Variants in SNX31 observed in about 807,000 individuals in gnomAD.
SNX31 encodes sorting nexin 31.
Under a neutral mutation model 65.4 loss-of-function variants are expected in SNX31, and 58 were observed. That is an observed-to-expected ratio of 0.89 (90% CI 0.72 to 1.10). The LOEUF (loss-of-function observed/expected upper bound fraction) is 1.10, where lower values mean the gene tolerates loss of function less well. Ranked by LOEUF, SNX31 falls within the 50% of genes least tolerant of loss-of-function variation. The pLI is 0.00. For synonymous variants in SNX31, 181 were observed against 190.1 expected, an observed-to-expected ratio of 0.95 and a Z score of 0.39; for missense variants, 523 against 529.7, an observed-to-expected ratio of 0.99 and a Z score of 0.12.
chr8:100,606,025 A>G (rs932430911), intron 8 of SNX31, among the ~76,000 whole-genome samples: 4 of 152,046 alleles, frequency 2.6e-5, no homozygotes, highest in South Asian at 2.1e-4. Context: ...ACTCATATCA[A>G]GTACACTGAA....
At chr8:100,611,307 A>C (rs1816688940) in intron 7 of SNX31, among the ~76,000 whole-genome samples, 1 of 152,172 alleles carries the variant, frequency 6.6e-6, no homozygotes, top group African/African-American at 2.4e-5. Flanking sequence ...ATTGCAAAGC[A>C]AACCCAAGGC....
intron 5 of SNX31, among the ~76,000 whole-genome samples, chr8:100,617,168 G>C (rs1817282521): frequency 6.6e-6 from 1 of 152,172 alleles, no homozygotes; most frequent in African/African-American, 2.4e-5. Context: ...CCCTGATGGA[G>C]CACTGGTTTC....
intron 11 of SNX31, among the ~76,000 whole-genome samples, chr8:100,587,531 A>T (rs1563517735): frequency 2.0e-5 from 3 of 152,298 alleles, no homozygotes; most frequent in South Asian, 4.1e-4. Context: ...ATGGTACGTC[A>T]TGTTTTCTAC....
intron 4 of SNX31, among the ~76,000 whole-genome samples, chr8:100,620,694 C>T (rs78429526): frequency 1.3e-5 from 2 of 152,296 alleles, no homozygotes; most frequent in East Asian, 3.9e-4. Flanking sequence ...GATCATTGGG[C>T]TCATTGTTTC....
rs1393351521 is a variant in SNX31 at position 100,614,130 on chromosome 8, G to C, written c.433-1045C>G. Among the ~76,000 whole-genome samples the C allele has an allele frequency of 6.6e-6, 1 of 152,162 alleles. No homozygotes were observed. The highest frequency in any genetic ancestry group is 1.5e-5 in the Non-Finnish European group (1 of 68,030). On this transcript the variant is annotated intron_variant, in intron 5 of 13. Transcript: ENST00000311812. This position sits in a 1 kb window ranked among gnomAD's most constrained non-coding sequence, Gnocchi z 5.1. ...AGCTTTGAAAATAAAGAGCAGCTGA[G>C]GAATAGTTTCACCACTTTCAAAGCA...
chr8:100,641,717 ATTT>A (rs34610614), intron 2 of SNX31, among the ~76,000 whole-genome samples: 48,443 of 117,584 alleles, frequency 0.41, 9,919 homozygotes, highest in East Asian at 0.51. Context: ...ACCTAGTATA[ATTT>A]TTTTTTTTTT....
chr8:100,617,838 C>T, intron 4 of SNX31, 108 bp from the exon 5 acceptor site: 1 of 849,502 alleles, frequency 1.2e-6, no homozygotes, highest in Non-Finnish European at 1.8e-6. Flanking sequence ...GATCTTGGCT[C>T]ACTGCAACCT....
intron 10 of SNX31, among the ~76,000 whole-genome samples, chr8:100,589,372 C>T (rs549018771): frequency 5.3e-4 from 80 of 151,630 alleles, no homozygotes; most frequent in Non-Finnish European, 8.8e-4. Context: ...TCCCTATTTC[C>T]AAGAAGGTAT....
rs1809760660 is a variant in SNX31 at position 100,660,212 on chromosome 8, T to C, written c.-58+2930A>G. On this transcript the variant is annotated intron_variant, in intron 1 of 5. Transcript: ENST00000520352. The surrounding 1 kb of genome is among the most constrained non-coding windows in gnomAD (Gnocchi z 4.1). ...TTACGTAAACTACTTTGTTCAATCT[T>C]CACACCTACCCACAGATTAGCTAAT... Among the ~76,000 whole-genome samples, 1 of 152,216 alleles carries C rather than the reference T, an allele frequency of 6.6e-6. No homozygotes were observed. Among genetic ancestry groups the C allele is most frequent in the South Asian group, 2.1e-4 (1 of 4,830 alleles).
chr8:100,649,506 C>A lies in SNX31; in HGVS notation c.9G>T (p.Met3Ile). ...GCTGGGACACCGGGATACAGAAATG[C>A]ATCTTCATGGCTGAGCGGTGTCTTG... Reference protein sequence around the residue: MKMHFCIPVSQQR... With the variant: MKIHFCIPVSQQR... The change falls in exon 1 of 14, where the codon ATG (methionine) becomes ATT (isoleucine). Residue 3 changes from methionine to isoleucine, a missense_variant. Coordinates refer to ENST00000311812, the MANE Select transcript of SNX31 (RefSeq NM_152628.4). The A allele has an allele frequency of 6.4e-7, 1 of 1,571,870 alleles. No individual in the cohort carries two copies. The highest frequency in any genetic ancestry group is 8.6e-7 in the Non-Finnish European group (1 of 1,159,170).
At chr8:100,615,955 C>T (rs930395846) in intron 5 of SNX31, among the ~76,000 whole-genome samples, 1 of 151,770 alleles carries the variant, frequency 6.6e-6, no homozygotes, top group Admixed American at 6.6e-5. Flanking sequence ...TTGTATTTTT[C>T]AGTAGAGATG....
At chr8:100,591,132 G>A (rs1025582016) in intron 10 of SNX31, among the ~76,000 whole-genome samples, 2 of 152,172 alleles carry the variant, frequency 1.3e-5, no homozygotes, top group Admixed American at 1.3e-4. Flanking sequence ...ATCTACGCGT[G>A]TATAGAGTAA....
chr8:100,603,862 C>T (rs1043348893), intron 8 of SNX31, among the ~76,000 whole-genome samples: 15 of 152,102 alleles, frequency 9.9e-5, no homozygotes, highest in Admixed American at 6.6e-4. Flanking sequence ...CCCAGCCTCC[C>T]GAGTAGCTGG....
chr8:100,606,339 C>A (rs1312613510), intron 8 of SNX31, among the ~76,000 whole-genome samples: 2 of 152,142 alleles, frequency 1.3e-5, no homozygotes, highest in African/African-American at 4.8e-5. Flanking sequence ...CCAGGCTGAA[C>A]ATAATTATAC....
Position 100,594,892 on chromosome 8 carries a change from C to T in SNX31, c.978+1747G>A, listed in dbSNP as rs1257673169. On this transcript the variant is annotated intron_variant, in intron 10 of 13. Transcript: ENST00000311812. This position sits in a 1 kb window ranked among gnomAD's most constrained non-coding sequence, Gnocchi z 4.0. ...CATAATAGCTAAAAACTAGAAACAA[C>T]CAGAGGTTCTTCAATGAGTAAATGG... Among the ~76,000 whole-genome samples the T allele has an allele frequency of 6.6e-6, 1 of 152,162 alleles. No homozygotes were observed. The highest frequency in any genetic ancestry group is 1.5e-5 in the Non-Finnish European group (1 of 68,026).
At chr8:100,617,201 T>C (rs1040386656) in intron 5 of SNX31, among the ~76,000 whole-genome samples, 6 of 152,158 alleles carry the variant, frequency 3.9e-5, no homozygotes, top group Non-Finnish European at 8.8e-5. Flanking sequence ...TGTGGGAGAA[T>C]AGGAACCTTC....
At position 100,604,345 on chromosome 8, in the gene SNX31, C is replaced by T. The variant is rs905145454; in HGVS notation, c.682-3904G>A. ...AGTCTTCCTGACCTTCAGTCTCACA[C>T]GCTCTAGTGTCCTCTGCAGAGGGCA... is the stretch of plus-strand genomic sequence containing the variant. On this transcript the variant is annotated intron_variant, in intron 8 of 13. Coordinates refer to ENST00000311812, the MANE Select transcript of SNX31 (RefSeq NM_152628.4). This position sits in a 1 kb window ranked among gnomAD's most constrained non-coding sequence, Gnocchi z 4.3. 9.2e-5 allele frequency among the ~76,000 whole-genome samples: 14 copies of T among 152,324 alleles called. No homozygotes were observed. In the East Asian group the frequency reaches 2.1e-3, roughly 23 times the overall value.
intron 8 of SNX31, among the ~76,000 whole-genome samples, chr8:100,606,208 C>A (rs1816141521): frequency 6.6e-6 from 1 of 152,104 alleles, no homozygotes; most frequent in South Asian, 2.1e-4. Flanking sequence ...CTGACTTTTA[C>A]ATTTTTGGTA....
In SNX31 at chr8:100,584,114, T is replaced by C. The variant is rs1250832686; in HGVS notation, c.1167A>G (p.Glu389=). 1 of 1,604,284 alleles carries C rather than the reference T, an allele frequency of 6.2e-7. No individual in the cohort carries two copies. The highest frequency in any genetic ancestry group is 2.3e-5 in the East Asian group (1 of 43,878). The change falls in exon 12 of 14, where the codon GAA becomes GAG. Residue 389 remains glutamate, a synonymous_variant. Coordinates refer to ENST00000311812, the MANE Select transcript of SNX31 (RefSeq NM_152628.4). The stretch of plus-strand genomic sequence containing the variant: ...AGACACAGATAAGAGCACTCACCAT[T>C]TCTGTATTCTCAGCAGCTAGCTTTA... ...KMVKLAAENT[E]MQIEVPEQSK...
Sources: gnomAD v4.1 joint callset for allele counts (sites outside exome capture counted in the v4.1 genomes callset) on GRCh38, gnomAD v4.1.1 for gene constraint, Gnocchi (gnomAD v3.1) non-coding constraint, MANE v1.5 for transcripts, NCBI Gene and HGNC (gene_info 2026-07-23, HGNC 2026-07-21) for gene names.